Variants in CTNNA3 observed in about 807,000 individuals in gnomAD.
The protein encoded by CTNNA3 is catenin alpha 3, also known as catenin alpha-3.
In CTNNA3, 76 loss-of-function variants were observed where a neutral mutation model predicts 95.7. The ratio of observed to expected loss-of-function variants is 0.79; its 90% CI spans 0.66 to 0.96. The LOEUF (loss-of-function observed/expected upper bound fraction) is 0.96, where lower values mean the gene tolerates loss of function less well. Among genes scored for constraint, CTNNA3 ranks in the 40% least tolerant of loss-of-function variants. The pLI is 0.00. For missense variants in CTNNA3, 1,191 were observed against 1,089.8 expected, an observed-to-expected ratio of 1.09 and a Z score of -1.31; for synonymous variants, 431 against 374.4, an observed-to-expected ratio of 1.15 and a Z score of -1.74.
chr10:66,884,648 T>C (rs1844974732), intron 7 of CTNNA3, among the ~76,000 whole-genome samples: 1 of 152,148 alleles, frequency 6.6e-6, no homozygotes, highest in Non-Finnish European at 1.5e-5. Context: ...GAACCAGAGC[T>C]AAGTTGCTTC....
At chr10:67,261,782 T>G (rs915493903) in intron 5 of CTNNA3, among the ~76,000 whole-genome samples, 1 of 152,160 alleles carries the variant, frequency 6.6e-6, no homozygotes, top group Non-Finnish European at 1.5e-5. Context: ...CAAGGGGTAA[T>G]TGGTCCAGAA....
intron 7 of CTNNA3, among the ~76,000 whole-genome samples, chr10:66,943,747 C>T (rs548864553): frequency 2.6e-5 from 4 of 152,212 alleles, no homozygotes; most frequent in East Asian, 1.9e-4. Context: ...CAGAACCCCA[C>T]CATAAAGTGC....
chr10:66,013,115 G>A (rs1011128817), intron 15 of CTNNA3, among the ~76,000 whole-genome samples: 2 of 152,168 alleles, frequency 1.3e-5, no homozygotes, highest in African/African-American at 4.8e-5. Flanking sequence ...TGGCCAGGCT[G>A]GTCTTGAACT....
intron 5 of CTNNA3, 29 bp from the exon 6 acceptor site, chr10:67,219,899 C>T: frequency 6.4e-7 from 1 of 1,567,218 alleles, no homozygotes; most frequent in Non-Finnish European, 8.7e-7. Context: ...AGAGTGGTAT[C>T]TTACAATGGG....
At chr10:67,442,772 G>T (rs1009888219) in intron 5 of CTNNA3, among the ~76,000 whole-genome samples, 1 of 151,812 alleles carries the variant, frequency 6.6e-6, no homozygotes, top group Non-Finnish European at 1.5e-5. Context: ...AACAACTAGA[G>T]ACTTTAACAC....
intron 1 of CTNNA3, among the ~76,000 whole-genome samples, chr10:67,657,847 C>CA (rs200763142): frequency 0.18 from 7,073 of 39,890 alleles, 722 homozygotes; most frequent in African/African-American, 0.34. Context: ...AATTCCATCT[C>CA]AAAAAAAAAA....
chr10:66,244,943 G>C (rs11510879), intron 13 of CTNNA3, among the ~76,000 whole-genome samples: 6,021 of 152,202 alleles, frequency 0.04, 174 homozygotes, highest in Middle Eastern at 0.068. Flanking sequence ...CTTTTGTTAC[G>C]GGATCTTTGG....
chr10:66,799,910 G>A (rs1395218341), intron 7 of CTNNA3, among the ~76,000 whole-genome samples: 1 of 150,710 alleles, frequency 6.6e-6, no homozygotes, highest in African/African-American at 2.4e-5. Flanking sequence ...CATAAATGTT[G>A]AACACCTTTA....
At chr10:67,363,105 G>A (rs575439421) in intron 5 of CTNNA3, among the ~76,000 whole-genome samples, 1 of 152,016 alleles carries the variant, frequency 6.6e-6, no homozygotes, top group South Asian at 2.1e-4. Flanking sequence ...CTGTTTCAAA[G>A]AAACCAGAGA....
At chr10:66,543,915 A>ATATATATATG (rs1841954731) in intron 10 of CTNNA3, among the ~76,000 whole-genome samples, 1 of 8,250 alleles carries the variant, frequency 1.2e-4, no homozygotes, top group Non-Finnish European at 4.6e-4. Context: ...GTGTGTGTAT[A>ATATATATATG]TATATATATA....
chr10:66,836,342 CT>C (rs1180070914), intron 7 of CTNNA3, among the ~76,000 whole-genome samples: 2 of 152,148 alleles, frequency 1.3e-5, no homozygotes, highest in African/African-American at 4.8e-5. Context: ...GATGCCCCAT[CT>C]TAATTCTGCT....
chr10:67,754,639 G>A (rs1259096329), intron 1 of CTNNA3, among the ~76,000 whole-genome samples: 1 of 152,138 alleles, frequency 6.6e-6, no homozygotes, highest in Non-Finnish European at 1.5e-5. Flanking sequence ...AAGATTTTCT[G>A]TGTAAGACCT....
rs144227382 is a variant in CTNNA3, at chr10:67,069,483, A to T, written c.1047+110834T>A. Among the ~76,000 whole-genome samples the T allele has an allele frequency of 9.6e-4, 146 of 152,258 alleles. 3 individuals are homozygous for T. The highest frequency in any genetic ancestry group is 3.4e-3 in the African/African-American group (142 of 41,552). ...ATGTATACATATCATGATGGTGAATATTCATAAACTGAATACATCTATGTA... is the reference window on the plus strand; with the variant it reads ...ATGTATACATATCATGATGGTGAATTTTCATAAACTGAATACATCTATGTA... On this transcript the variant is annotated intron_variant, in intron 7 of 17. Transcript: ENST00000433211.
intron 15 of CTNNA3, among the ~76,000 whole-genome samples, chr10:66,022,084 T>C (rs993199336): frequency 1.3e-5 from 2 of 151,932 alleles, no homozygotes; most frequent in African/African-American, 2.4e-5. Flanking sequence ...TCTCAAACTT[T>C]TGGGCTCAAA....
intron 3 of CTNNA3, among the ~76,000 whole-genome samples, chr10:67,571,995 G>T (rs1030288147): frequency 6.6e-6 from 1 of 152,044 alleles, no homozygotes; most frequent in African/African-American, 2.4e-5. Context: ...TGAAAATTTA[G>T]TATCTGAATT....
At chr10:66,527,698 A>C (rs1166023633) in intron 10 of CTNNA3, among the ~76,000 whole-genome samples, 1 of 152,062 alleles carries the variant, frequency 6.6e-6, no homozygotes, top group African/African-American at 2.4e-5. Context: ...GTATGATGCT[A>C]TTATTAAGTG....
intron 17 of CTNNA3, among the ~76,000 whole-genome samples, chr10:65,937,261 AGGATTATC>A (rs2077355261): frequency 6.6e-6 from 1 of 152,128 alleles, no homozygotes; most frequent in African/African-American, 2.4e-5. Flanking sequence ...TAATTTATCC[AGGATTATC>A]TTTCTAAAAT....
intron 7 of CTNNA3, among the ~76,000 whole-genome samples, chr10:66,866,860 T>A (rs1844199239): frequency 1.3e-5 from 2 of 152,188 alleles, no homozygotes; most frequent in South Asian, 4.1e-4. Flanking sequence ...CCCATACTCA[T>A]CTTAAATTGT....
chr10:66,467,633 T>C (rs1290629440), intron 11 of CTNNA3, among the ~76,000 whole-genome samples: 1 of 152,044 alleles, frequency 6.6e-6, no homozygotes, highest in African/African-American at 2.4e-5. Context: ...TGAAAACTTT[T>C]GTTGTGTATG....
Sources: gnomAD v4.1 joint callset for allele counts (sites outside exome capture counted in the v4.1 genomes callset) on GRCh38, gnomAD v4.1.1 for gene constraint, MANE v1.5 for transcripts, NCBI Gene and HGNC (gene_info 2026-07-23, HGNC 2026-07-21) for gene names.